The following AGO3 variants were observed in gnomAD, a reference collection of about 807,000 sequenced individuals.
The protein encoded by AGO3 is protein argonaute-3.
In AGO3, 16 loss-of-function variants were observed where a neutral mutation model predicts 105.5. The observed-to-expected ratio is 0.15, with a 90% CI of 0.10 to 0.23. The LOEUF is 0.23. Ranked by LOEUF, AGO3 falls within the 10% of genes least tolerant of loss-of-function variation. The probability of loss-of-function intolerance (pLI) is 1.00; values close to 1 mark genes in which losing one functional copy is unlikely to be tolerated. For synonymous variants in AGO3, 340 were observed against 367.3 expected (o/e 0.93, Z 0.85); for missense variants, 534 against 1,088.0 (o/e 0.49, Z 7.16).
At chr1:36,054,007 T>A (rs1189700620) in intron 17 of AGO3, among the ~76,000 whole-genome samples, 2 of 151,922 alleles carry the variant, frequency 1.3e-5, no homozygotes, top group Admixed American at 6.6e-5. Flanking sequence ...GCTAATTTTT[T>A]AAATCTTTTT....
At chr1:36,001,420 C>G (rs1354244764) in intron 5 of AGO3, among the ~76,000 whole-genome samples, 2 of 152,150 alleles carry the variant, frequency 1.3e-5, no homozygotes, top group Non-Finnish European at 2.9e-5. Flanking sequence ...TACATTCATA[C>G]AGTGGGATAT....
At chr1:36,026,713 A>G (rs1359903836) in intron 11 of AGO3, among the ~76,000 whole-genome samples, 1 of 152,208 alleles carries the variant, frequency 6.6e-6, no homozygotes, top group Non-Finnish European at 1.5e-5. Flanking sequence ...CTTTACATAT[A>G]TGATCTCATT....
rs536478974 is a variant in AGO3 at position 36,065,315 on chromosome 1, A to C, written c.*9570A>C. The C allele has an allele frequency of 6.6e-6, 1 of 152,318 alleles. No homozygotes were observed. The highest frequency in any genetic ancestry group is 2.1e-4 in the South Asian group (1 of 4,820). The allele number at this position is 152,318 out of a possible 1,614,324, so 9.4% of individuals were successfully genotyped here. A position where few individuals can be genotyped will look rare whatever the true frequency, so the allele number is the denominator to read the frequency against. On this transcript the variant is annotated 3_prime_UTR_variant, in exon 19 of 19. Coordinates refer to ENST00000373191, the MANE Select transcript of AGO3 (RefSeq NM_024852.4). ...GTAGTTCCTGAAAACCAACATTTTA[A>C]AAGTTGCCTCTGGGCTGGGCATGGT... is the stretch of plus-strand genomic sequence containing the variant.
chr1:35,971,577 T>C (rs1010358366), intron 3 of AGO3, among the ~76,000 whole-genome samples: 7 of 152,042 alleles, frequency 4.6e-5, no homozygotes, highest in African/African-American at 1.7e-4. Flanking sequence ...TTCCCTCCCA[T>C]CCTTTGAAAG....
chr1:35,972,777 T>TAAGC (rs1048876350), intron 4 of AGO3, among the ~76,000 whole-genome samples: 1 of 151,608 alleles, frequency 6.6e-6, no homozygotes, highest in East Asian at 1.9e-4. Flanking sequence ...CTCCCAGGCC[T>TAAGC]AAGCAATCCT....
At chr1:36,033,089 C>T (rs569222978) in intron 12 of AGO3, among the ~76,000 whole-genome samples, 21 of 151,838 alleles carry the variant, frequency 1.4e-4, no homozygotes, top group African/African-American at 1.9e-4. Flanking sequence ...ACCGAGATTG[C>T]GCCGTTGCAC....
intron 16 of AGO3, among the ~76,000 whole-genome samples, chr1:36,042,056 C>G (rs964403323): frequency 6.6e-6 from 1 of 152,000 alleles, no homozygotes; most frequent in Admixed American, 6.6e-5. Flanking sequence ...CAATTTAATC[C>G]TCACCAACAA....
chr1:36,021,256 C>T (rs1412201137), intron 11 of AGO3, among the ~76,000 whole-genome samples: 1 of 152,054 alleles, frequency 6.6e-6, no homozygotes, highest in Non-Finnish European at 1.5e-5. Context: ...CAGCAGAAAC[C>T]GCAATTACTT....
chr1:35,982,786 T>A, intron 5 of AGO3: 1 of 587,376 alleles, frequency 1.7e-6, no homozygotes, highest in Non-Finnish European at 3.1e-6. Context: ...AAGAACCATG[T>A]CCAGAAAAAA....
At position 35,990,972 on chromosome 1, in the gene AGO3, G is replaced by T. The variant is rs191520187; in HGVS notation, c.659-13369G>T. ...AAACAAGACCAACTAAAGATATCTG[G>T]ATCAGGCTTACCCAGGCGGGCTATC... On this transcript the variant is annotated intron_variant, in intron 5 of 18. Transcript: ENST00000373191. Among the ~76,000 whole-genome samples, 42 of 152,202 alleles carry T rather than the reference G, an allele frequency of 2.8e-4. 1 individual carries two copies. Among genetic ancestry groups the T allele is most frequent in the Admixed American group, 1.8e-3 (28 of 15,270 alleles).
chr1:36,024,759 C>G (rs563181804), intron 11 of AGO3, among the ~76,000 whole-genome samples: 17 of 152,306 alleles, frequency 1.1e-4, no homozygotes, highest in African/African-American at 4.1e-4. Context: ...TCTCGGCTCA[C>G]TGCAACCTCT....
intron 14 of AGO3, among the ~76,000 whole-genome samples, chr1:36,038,447 G>A (rs569391649): frequency 5.9e-5 from 9 of 152,098 alleles, no homozygotes; most frequent in Admixed American, 1.3e-4. Context: ...AGTAGAGACG[G>A]GGTTTCACTG....
chr1:35,974,477 C>T (rs1646921968), intron 5 of AGO3, among the ~76,000 whole-genome samples: 1 of 151,744 alleles, frequency 6.6e-6, no homozygotes, highest in African/African-American at 2.4e-5. Context: ...CCTCTATCCC[C>T]TGTTTTTTCT....
intron 5 of AGO3, among the ~76,000 whole-genome samples, chr1:35,981,658 A>G (rs921665820): frequency 2.0e-4 from 30 of 152,242 alleles, no homozygotes; most frequent in African/African-American, 7.2e-4. Context: ...AGAAGAAATT[A>G]CAAAAGAGCA....
chr1:35,962,560 GA>G (rs991598149), intron 2 of AGO3, among the ~76,000 whole-genome samples: 2 of 150,588 alleles, frequency 1.3e-5, no homozygotes, highest in Non-Finnish European at 3.0e-5. Context: ...AAAAAAAAGA[GA>G]AAGAAAGAAA....
intron 2 of AGO3, among the ~76,000 whole-genome samples, chr1:35,964,089 T>C (rs1646729919): frequency 6.6e-6 from 1 of 152,136 alleles, no homozygotes; most frequent in Admixed American, 6.5e-5. Context: ...AAAAATTGTA[T>C]ATGTGTATGT....
rs1643037684 is a variant in AGO3 at position 36,062,381 on chromosome 1, T to G, written c.*6636T>G. 6.6e-6 allele frequency: 1 copy of G among 152,176 alleles called. No homozygotes were observed. Among genetic ancestry groups the G allele is most frequent in the Non-Finnish European group, 1.5e-5 (1 of 68,036 alleles). The allele number at this position is 152,176 out of a possible 1,614,324, so 9.4% of individuals were successfully genotyped here. A position where few individuals can be genotyped will look rare whatever the true frequency, so the allele number is the denominator to read the frequency against. Reference sequence around the variant, plus strand: ...TCATAAAGGCAGTACCAAATCATCATTCAGATCAGCTTAAGTGAGAAAGCA... The same window carrying G: ...TCATAAAGGCAGTACCAAATCATCAGTCAGATCAGCTTAAGTGAGAAAGCA... On this transcript the variant is annotated 3_prime_UTR_variant, in exon 19 of 19. Transcript: ENST00000373191.
intron 11 of AGO3, among the ~76,000 whole-genome samples, chr1:36,024,739 A>G (rs1353426672): frequency 6.6e-6 from 1 of 152,128 alleles, no homozygotes; most frequent in Non-Finnish European, 1.5e-5. Context: ...GCTGGAGTGC[A>G]ATGGCGTGAT....
chr1:35,940,420 C>T (rs1407430943), intron 1 of AGO3, among the ~76,000 whole-genome samples: 2 of 152,160 alleles, frequency 1.3e-5, no homozygotes, highest in East Asian at 1.9e-4. Context: ...TGTGATTGAT[C>T]GATATGTCTT....
Sources: allele counts gnomAD v4.1 joint callset (sites outside exome capture counted in the v4.1 genomes callset), GRCh38; gene constraint gnomAD v4.1.1; transcripts MANE v1.5; gene names NCBI Gene and HGNC (gene_info 2026-07-23, HGNC 2026-07-21).